Variants in NMNAT2 observed in about 807,000 individuals in gnomAD.
NMNAT2 encodes nicotinamide/nicotinic acid mononucleotide adenylyltransferase 2.
A neutral mutation model predicts 41.6 loss-of-function variants in NMNAT2; 11 were observed. The ratio of observed to expected loss-of-function variants is 0.26; its 90% CI spans 0.17 to 0.44. NMNAT2 has a LOEUF of 0.44. Among genes scored for constraint, NMNAT2 ranks in the 20% least tolerant of loss-of-function variants. The pLI, the probability that NMNAT2 is intolerant of heterozygous loss-of-function variation, is 1.00. For missense variants in NMNAT2, 288 were observed against 407.7 expected (o/e 0.71, Z 2.53); for synonymous variants, 148 against 151.2 (o/e 0.98, Z 0.16).
rs183531032 is a variant in NMNAT2, at chr1:183,362,394, A to C, written c.85+55789T>G. ...TTTCATCACCCAAAAAAAGAAACCC[A>C]ATATCCCTTAGTAGTGATTTGCCAT... On this transcript the variant is annotated intron_variant, in intron 1 of 10. Coordinates refer to ENST00000287713, the MANE Select transcript of NMNAT2 (RefSeq NM_015039.4). Among the ~76,000 whole-genome samples the C allele has an allele frequency of 3.1e-3, 474 of 152,308 alleles. 1 individual carries two copies. The highest frequency in any genetic ancestry group is 0.011 in the African/African-American group (454 of 41,566).
At chr1:183,402,013 T>G (rs1036135696) in intron 1 of NMNAT2, among the ~76,000 whole-genome samples, 1 of 152,040 alleles carries the variant, frequency 6.6e-6, no homozygotes, top group Admixed American at 6.5e-5. Flanking sequence ...GGCACATGTA[T>G]ACATATGTAA....
Position 183,292,859 on chromosome 1 carries a change from T to A in NMNAT2, c.175-2A>T. The A allele has an allele frequency of 6.2e-7, 1 of 1,613,930 alleles. No individual in the cohort carries two copies. The highest frequency in any genetic ancestry group is 8.5e-7 in the Non-Finnish European group (1 of 1,179,920). On this transcript the variant is annotated splice_acceptor_variant, in intron 2 of 10. Coordinates refer to ENST00000287713, the MANE Select transcript of NMNAT2 (RefSeq NM_015039.4). LOFTEE classifies it high-confidence loss of function. ...ACGGTGCCGGCTTGACACGAGGCCCTGGGAAGCAACAGAGCAATCATTGGG... is the reference window on the plus strand; with the variant it reads ...ACGGTGCCGGCTTGACACGAGGCCCAGGGAAGCAACAGAGCAATCATTGGG...
chr1:183,406,275 G>A (rs1485788394), intron 1 of NMNAT2, among the ~76,000 whole-genome samples: 2 of 152,180 alleles, frequency 1.3e-5, no homozygotes, highest in South Asian at 2.1e-4. Flanking sequence ...ATGACATCCA[G>A]ATAAAAAGAA....
chr1:183,317,143 G>C (rs1369410745), intron 1 of NMNAT2, among the ~76,000 whole-genome samples: 1 of 152,246 alleles, frequency 6.6e-6, no homozygotes, highest in Non-Finnish European at 1.5e-5. Context: ...GAACCGTCGG[G>C]TCATACCTCA....
chr1:183,273,049 C>T (rs763271630), intron 8 of NMNAT2, among the ~76,000 whole-genome samples: 4 of 152,230 alleles, frequency 2.6e-5, no homozygotes, highest in Non-Finnish European at 5.9e-5. Context: ...GAGGTGTAAA[C>T]AGGCTTTAGC....
intron 1 of NMNAT2, among the ~76,000 whole-genome samples, chr1:183,342,598 A>G (rs1662842050): frequency 6.6e-6 from 1 of 152,120 alleles, no homozygotes; most frequent in African/African-American, 2.4e-5. Flanking sequence ...TATGACTTCA[A>G]CTGCCACCTC....
intron 4 of NMNAT2, among the ~76,000 whole-genome samples, chr1:183,287,831 T>C (rs906337336): frequency 3.9e-5 from 6 of 152,334 alleles, no homozygotes; most frequent in African/African-American, 1.4e-4. Flanking sequence ...GGTGATCTTC[T>C]GGGCACCTCT....
At chr1:183,401,501 G>A (rs1276677488) in intron 1 of NMNAT2, among the ~76,000 whole-genome samples, 18 of 152,346 alleles carry the variant, frequency 1.2e-4, no homozygotes, top group Middle Eastern at 6.8e-3. Context: ...GTGGAAGACA[G>A]TGTGGCGATT....
At chr1:183,285,976 G>A (rs956484870) in intron 5 of NMNAT2, among the ~76,000 whole-genome samples, 2 of 152,172 alleles carry the variant, frequency 1.3e-5, no homozygotes, top group Admixed American at 6.6e-5. Context: ...TGCTCACTGT[G>A]TGACCTTTGG....
chr1:183,386,564 G>C (rs1036124835), intron 1 of NMNAT2, among the ~76,000 whole-genome samples: 3 of 151,990 alleles, frequency 2.0e-5, no homozygotes, highest in African/African-American at 7.2e-5. Flanking sequence ...AATAGCAAGG[G>C]CTCGTCATTT....
At chr1:183,264,130 G>A (rs55648705) in intron 8 of NMNAT2, among the ~76,000 whole-genome samples, 400 of 152,246 alleles carry the variant, frequency 2.6e-3, no homozygotes, top group African/African-American at 9.2e-3. Context: ...ATTGCATAAT[G>A]TAGGATCTGC....
chr1:183,404,003 C>A (rs1451992654), intron 1 of NMNAT2, among the ~76,000 whole-genome samples: 3 of 151,830 alleles, frequency 2.0e-5, no homozygotes, highest in Admixed American at 2.0e-4. Context: ...TATTTTTGTT[C>A]ATCAAAGATA....
At chr1:183,298,816 T>C (rs1457701706) in intron 1 of NMNAT2, among the ~76,000 whole-genome samples, 4 of 152,206 alleles carry the variant, frequency 2.6e-5, no homozygotes, top group Non-Finnish European at 4.4e-5. Context: ...GATTGGAAGA[T>C]GCAACACAGT....
chr1:183,309,966 G>T (rs891721924), intron 1 of NMNAT2, among the ~76,000 whole-genome samples: 26 of 152,156 alleles, frequency 1.7e-4, no homozygotes, highest in Non-Finnish European at 8.8e-5. Context: ...ATTTTATCCT[G>T]GGTGAACCTT....
intron 1 of NMNAT2, among the ~76,000 whole-genome samples, chr1:183,413,602 C>CTTTTTTTT (rs71130613): frequency 1.3e-3 from 105 of 82,200 alleles, no homozygotes; most frequent in African/African-American, 1.5e-3. Flanking sequence ...TCTTTTCTTT[C>CTTTTTTTT]TTTTTTTTTT....
intron 1 of NMNAT2, among the ~76,000 whole-genome samples, chr1:183,397,999 C>G (rs1317413280): frequency 3.9e-5 from 6 of 152,198 alleles, no homozygotes; most frequent in Admixed American, 2.6e-4. Flanking sequence ...GAAACTGCAT[C>G]AACTAACAAG....
chr1:183,254,735 C>A (rs1660475268), intron 10 of NMNAT2, among the ~76,000 whole-genome samples: 1 of 152,298 alleles, frequency 6.6e-6, no homozygotes, highest in African/African-American at 2.4e-5. Context: ...TCACACTGTG[C>A]CCCTTTGCCC....
chr1:183,313,313 G>A lies in NMNAT2; in HGVS notation c.86-19520C>T, dbSNP rs560131497. Reference sequence around the variant, plus strand: ...GGCTGTGATTTGAGTAATTACCCCTGAAGAGAGGGAGGTACCTGACTTCTG... The same window carrying A: ...GGCTGTGATTTGAGTAATTACCCCTAAAGAGAGGGAGGTACCTGACTTCTG... On this transcript the variant is annotated intron_variant, in intron 1 of 10. Transcript: ENST00000287713. Among the ~76,000 whole-genome samples the A allele has an allele frequency of 2.0e-5, 3 of 152,334 alleles. No homozygotes were observed. In the East Asian group the frequency reaches 5.8e-4, roughly 29 times the overall value.
intron 1 of NMNAT2, among the ~76,000 whole-genome samples, chr1:183,407,794 C>T (rs1649002237): frequency 6.6e-6 from 1 of 152,102 alleles, no homozygotes; most frequent in African/African-American, 2.4e-5. Context: ...TGCTAATTTT[C>T]TAATCATCAA....
Sources: allele counts gnomAD v4.1 joint callset (sites outside exome capture counted in the v4.1 genomes callset), GRCh38; gene constraint gnomAD v4.1.1; transcripts MANE v1.5; gene names NCBI Gene and HGNC (gene_info 2026-07-23, HGNC 2026-07-21).